BMI1: variants seen among roughly 807,000 people sequenced by gnomAD.
BMI1 encodes the protein polycomb complex protein BMI-1.
Under a neutral mutation model 39.1 loss-of-function variants are expected in BMI1, and 9 were observed. The observed-to-expected ratio is 0.23, with a 90% CI of 0.14 to 0.40. BMI1 has a LOEUF of 0.40. Among genes scored for constraint, BMI1 ranks in the 10% least tolerant of loss-of-function variants. BMI1 has a pLI of 1.00. For missense variants in BMI1, 252 were observed against 390.8 expected (o/e 0.64, Z 2.99); for synonymous variants, 131 against 127.9 (o/e 1.02, Z -0.16).
rs1836256871 is a variant in BMI1, at chr10:22,330,338, T to C, written c.*796T>C. 1 of 152,680 alleles carries C rather than the reference T, an allele frequency of 6.5e-6. No homozygotes were observed. Among genetic ancestry groups the C allele is most frequent in the South Asian group, 2.1e-4 (1 of 4,834 alleles). The allele number at this position is 152,680 out of a possible 1,614,324, so 9.5% of individuals were successfully genotyped here. A position where few individuals can be genotyped will look rare whatever the true frequency, so the allele number is the denominator to read the frequency against. ...CATTCAGAAATGATTGTTAAAATTCTCCCAACTGGTTCGACCTTTGCAGAT... is the reference window on the plus strand; with the variant it reads ...CATTCAGAAATGATTGTTAAAATTCCCCCAACTGGTTCGACCTTTGCAGAT... On this transcript the variant is annotated 3_prime_UTR_variant, in exon 10 of 10. Transcript: ENST00000376663.
intron 1 of BMI1, chr10:22,325,737 C>T (rs988601817): frequency 3.3e-5 from 5 of 151,794 alleles, no homozygotes; most frequent in African/African-American, 1.2e-4. Context: ...GTGTAAGTTG[C>T]TATGGAAACC....
chr10:22,325,848 C>G (rs1164559499), intron 1 of BMI1: 2 of 152,144 alleles, frequency 1.3e-5, no homozygotes, highest in African/African-American at 4.8e-5. Flanking sequence ...GCGCTCAGGC[C>G]CCGGCCCAGG....
At chr10:22,327,915 A>G in intron 5 of BMI1, 35 bp from the exon 6 acceptor site, 1 of 1,582,352 alleles carries the variant, frequency 6.3e-7, no homozygotes. Flanking sequence ...TAGGCATCTG[A>G]TTTTTAAAAA....
At chr10:22,326,671 T>C (rs1426982046) in intron 2 of BMI1, 110 bp downstream of exon 2, 3 of 1,503,426 alleles carry the variant, frequency 2.0e-6, no homozygotes, top group Admixed American at 2.2e-5. Context: ...TGGTACAAAG[T>C]GGTGAAGGCA....
rs143197325 is a variant in BMI1, at chr10:22,326,071, T to C, written c.-19-360T>C. 1,016 of 167,374 alleles carry C rather than the reference T, an allele frequency of 6.1e-3. 7 individuals are homozygous for C. The highest frequency in any genetic ancestry group is 0.023 in the African/African-American group (970 of 41,944). 10.4% of individuals were successfully genotyped at this position (167,374 alleles called of 1,614,324 possible). A position where few individuals can be genotyped will look rare whatever the true frequency, so the allele number is the denominator to read the frequency against. On this transcript the variant is annotated intron_variant, in intron 1 of 9. Transcript: ENST00000376663. ...TTCGGAGACCTGGAACAAGCCCTAG[T>C]GGTTGGTAAATATCCGCGGGGATTG...
At chr10:22,324,847 C>T (rs1022162994) in intron 1 of BMI1, among the ~76,000 whole-genome samples, 2 of 152,230 alleles carry the variant, frequency 1.3e-5, no homozygotes, top group African/African-American at 4.8e-5. Flanking sequence ...TATTTGACTT[C>T]CCTGACTGTC....
chr10:22,324,899 C>A (rs924314986), intron 1 of BMI1, among the ~76,000 whole-genome samples: 5 of 152,216 alleles, frequency 3.3e-5, no homozygotes, highest in Non-Finnish European at 7.3e-5. Context: ...TGTGACTTTC[C>A]TGTAATAGAG....
chr10:22,329,079 A>C lies in BMI1; in HGVS notation c.602A>C (p.Lys201Thr). 6.2e-7 allele frequency: 1 copy of C among 1,610,770 alleles called. No homozygotes were observed. The highest frequency in any genetic ancestry group is 8.5e-7 in the Non-Finnish European group (1 of 1,178,962). Residue 201 changes from lysine to threonine, a missense_variant, in exon 9 of 10, where the codon AAG (lysine) becomes ACG (threonine). Lys to Thr is a moderately conservative substitution (Grantham distance 78). This residue lies in a region of BMI1 where 27 missense variants were observed against 77.4 expected (regional missense o/e 0.35). Transcript: ENST00000376663. ...IDVMYEEEPLKDYYTLMDIAY... is the reference protein window; with the variant it reads ...IDVMYEEEPLTDYYTLMDIAY... ...GTCATGTATGAGGAGGAACCTTTAA[A>C]GGATTATTATACACTAATGGATATT... is the stretch of plus-strand genomic sequence containing the variant.
At position 22,326,422 on chromosome 10, in the gene BMI1, G is replaced by A. The variant is rs1836153272; in HGVS notation, c.-19-9G>A. ...TGTGAATTATGGCCATTATTTCTGT[G>A]TCTTGCAGGATTTTTTATCAAGCAG... On this transcript the variant is annotated splice_polypyrimidine_tract_variant and intron_variant, in intron 1 of 9. Coordinates refer to ENST00000376663, the MANE Select transcript of BMI1 (RefSeq NM_005180.9). The A allele has an allele frequency of 6.2e-7, 1 of 1,610,606 alleles. No individual in the cohort carries two copies. The highest frequency in any genetic ancestry group is 1.3e-5 in the African/African-American group (1 of 74,998).
Position 22,328,585 on chromosome 10 carries a change from T to A in BMI1, c.472-15T>A. ...AAAGTAACTGAAAAAGTTACTTTTC[T>A]AAATGTACTTTTAGGTGAATGATAA... On this transcript the variant is annotated splice_polypyrimidine_tract_variant and intron_variant, in intron 7 of 9. Coordinates refer to ENST00000376663, the MANE Select transcript of BMI1 (RefSeq NM_005180.9). 1 of 1,581,508 alleles carries A rather than the reference T, an allele frequency of 6.3e-7. No homozygotes were observed. The highest frequency in any genetic ancestry group is 2.0e-5 in the Admixed American group (1 of 51,154).
At chr10:22,327,064 C>T in intron 3 of BMI1, 78 bp downstream of exon 3, 1 of 1,503,782 alleles carries the variant, frequency 6.6e-7, no homozygotes, top group Admixed American at 1.8e-5. Context: ...CTCTTTATTT[C>T]TTCACAGAAA....
chr10:22,323,598 G>T (rs1836062329), intron 1 of BMI1, among the ~76,000 whole-genome samples: 1 of 152,182 alleles, frequency 6.6e-6, no homozygotes, highest in African/African-American at 2.4e-5. Flanking sequence ...GAGTTCATTT[G>T]CATTTCTTAG....
At position 22,321,353 on chromosome 10, in the gene BMI1, CT is replaced by C; in HGVS notation, c.-362del. The C allele has an allele frequency of 6.4e-6, 1 of 156,146 alleles. No homozygotes were observed. Among genetic ancestry groups the C allele is most frequent in the Non-Finnish European group, 1.4e-5 (1 of 70,666 alleles). The allele number at this position is 156,146 out of a possible 1,614,324, so 9.7% of individuals were successfully genotyped here. A position where few individuals can be genotyped will look rare whatever the true frequency, so the allele number is the denominator to read the frequency against. Reference sequence around the variant, plus strand: ...CGATCGCGCCCCCTCCGCGCGCGCCCTCCCCCGAGTGCGGAGCGGGAGGAGG... The same window carrying C: ...CGATCGCGCCCCCTCCGCGCGCGCCCCCCCCGAGTGCGGAGCGGGAGGAGG... On this transcript the variant is annotated 5_prime_UTR_variant, in exon 1 of 10. Coordinates refer to ENST00000376663, the MANE Select transcript of BMI1 (RefSeq NM_005180.9).
At chr10:22,322,506 G>A (rs1325578404) in intron 1 of BMI1, among the ~76,000 whole-genome samples, 1 of 152,220 alleles carries the variant, frequency 6.6e-6, no homozygotes, top group Non-Finnish European at 1.5e-5. Context: ...TGGGAGTCTT[G>A]GATAAGTGCT....
At chr10:22,322,337 G>A (rs1051396213) in intron 1 of BMI1, among the ~76,000 whole-genome samples, 1 of 152,208 alleles carries the variant, frequency 6.6e-6, no homozygotes, top group African/African-American at 2.4e-5. Context: ...CGCCAAGGTG[G>A]GTGTTAGGCT....
Position 22,328,712 on chromosome 10 carries a change from T to C in BMI1, c.570+14T>C. 2 of 1,553,114 alleles carry C rather than the reference T, an allele frequency of 1.3e-6. No individual in the cohort carries two copies. The highest frequency in any genetic ancestry group is 1.7e-6 in the Non-Finnish European group (2 of 1,155,818). ...AATACTTTCCAGGTATCTACTTTTATATTCTTCTTGCATTTTACATAGATT... is the reference window on the plus strand; with the variant it reads ...AATACTTTCCAGGTATCTACTTTTACATTCTTCTTGCATTTTACATAGATT... On this transcript the variant is annotated intron_variant, in intron 8 of 9. Transcript: ENST00000376663.
chr10:22,327,610 C>T lies in BMI1; in HGVS notation c.225C>T (p.Leu75=), dbSNP rs1836188730. 6.2e-7 allele frequency: 1 copy of T among 1,610,460 alleles called. No individual in the cohort carries two copies. Among genetic ancestry groups the T allele is most frequent in the Admixed American group, 1.7e-5 (1 of 59,536 alleles). ...TATTTTTCAGGTCAGATAAAACTCT[C>T]CAAGATATTGTATACAAATTAGTTC... The part of the protein sequence containing the change: ...PLLNIRSDKT[L]QDIVYKLVPG... Residue 75 remains leucine, a synonymous_variant, in exon 4 of 10, where the codon CTC becomes CTT. Transcript: ENST00000376663.
At chr10:22,325,826 C>T (rs901995206) in intron 1 of BMI1, 1 of 152,134 alleles carries the variant, frequency 6.6e-6, no homozygotes, top group African/African-American at 2.4e-5. Flanking sequence ...TCCCGGCCCC[C>T]GGGCGTCCGC....
At chr10:22,324,591 A>G (rs1041985894) in intron 1 of BMI1, among the ~76,000 whole-genome samples, 4 of 152,176 alleles carry the variant, frequency 2.6e-5, no homozygotes, top group African/African-American at 9.7e-5. Context: ...ACCATTTTCT[A>G]GAGGTTAGCT....
Sources: allele counts gnomAD v4.1 joint callset (sites outside exome capture counted in the v4.1 genomes callset), GRCh38; gene constraint gnomAD v4.1.1; regional missense constraint gnomAD v4.1.1; transcripts MANE v1.5; gene names NCBI Gene and HGNC (gene_info 2026-07-23, HGNC 2026-07-21).